Variants in UCHL3 observed in about 807,000 individuals in gnomAD.
The protein encoded by UCHL3 is ubiquitin C-terminal hydrolase L3.
UCHL3 carries 22 observed loss-of-function variants against 35.8 expected under a neutral mutation model. The observed-to-expected ratio is 0.61, with a 90% CI of 0.44 to 0.88. The LOEUF (loss-of-function observed/expected upper bound fraction) is 0.88. Ranked by LOEUF, UCHL3 falls within the 40% of genes least tolerant of loss-of-function variation. The probability of loss-of-function intolerance (pLI) is 0.00; values close to 1 mark genes in which losing one functional copy is unlikely to be tolerated. For missense variants in UCHL3, 229 were observed against 276.9 expected (o/e 0.83, Z 1.23); for synonymous variants, 90 against 92.8 (o/e 0.97, Z 0.17).
intron 8 of UCHL3, 104 bp from the exon 9 acceptor site, chr13:75,605,625 T>C: frequency 9.1e-7 from 1 of 1,103,092 alleles, no homozygotes; most frequent in Non-Finnish European, 1.3e-6. Context: ...AAAAGGAAGT[T>C]TGCAGTGTAA....
chr13:75,575,586 TCTATAGA>T (rs1414934507), intron 6 of UCHL3, among the ~76,000 whole-genome samples: 4 of 152,200 alleles, frequency 2.6e-5, no homozygotes, highest in Admixed American at 2.6e-4. Flanking sequence ...TCATCCCCCT[TCTATAGA>T]TGAGGCAATT....
At chr13:75,586,272 G>A (rs1316625551) in intron 6 of UCHL3, among the ~76,000 whole-genome samples, 1 of 152,072 alleles carries the variant, frequency 6.6e-6, no homozygotes, top group Non-Finnish European at 1.5e-5. Flanking sequence ...TGTTGAAGAA[G>A]GACATTACAT....
intron 7 of UCHL3, among the ~76,000 whole-genome samples, chr13:75,596,008 A>G (rs2032638753): frequency 6.6e-6 from 1 of 152,148 alleles, no homozygotes. Context: ...AATTCTAGAT[A>G]CCGTGAGTTT....
chr13:75,567,122 G>A (rs1430132115), intron 4 of UCHL3, 105 bp from the exon 5 acceptor site: 1 of 1,088,858 alleles, frequency 9.2e-7, no homozygotes. Flanking sequence ...ACCTACCAAT[G>A]AAAGAATTTA....
At chr13:75,551,147 C>T (rs1370626719) in intron 2 of UCHL3, among the ~76,000 whole-genome samples, 2 of 152,072 alleles carry the variant, frequency 1.3e-5, no homozygotes, top group Non-Finnish European at 2.9e-5. Context: ...AGAGGGGAGA[C>T]GGCCAGGCGC....
intron 6 of UCHL3, among the ~76,000 whole-genome samples, chr13:75,587,532 G>A (rs2032359326): frequency 6.6e-6 from 1 of 152,000 alleles, no homozygotes; most frequent in Non-Finnish European, 1.5e-5. Flanking sequence ...GGATTAAAGG[G>A]CCATGATATA....
intron 3 of UCHL3, among the ~76,000 whole-genome samples, chr13:75,561,839 G>A (rs1239757915): frequency 1.2e-5 from 1 of 85,828 alleles, no homozygotes; most frequent in African/African-American, 3.5e-5. Flanking sequence ...ACGTATATAC[G>A]TATACGTATA....
chr13:75,586,528 T>C (rs964087596), intron 6 of UCHL3, among the ~76,000 whole-genome samples: 2 of 152,020 alleles, frequency 1.3e-5, no homozygotes, highest in Non-Finnish European at 2.9e-5. Flanking sequence ...CTTTTGATAT[T>C]TGTGGAACAC....
intron 2 of UCHL3, among the ~76,000 whole-genome samples, chr13:75,550,546 C>A (rs2036999313): frequency 2.6e-5 from 4 of 152,066 alleles, no homozygotes; most frequent in Admixed American, 2.6e-4. Context: ...TCAAAGAAAG[C>A]TCAGTTTAAT....
intron 7 of UCHL3, among the ~76,000 whole-genome samples, chr13:75,599,854 T>C (rs952676365): frequency 1.3e-5 from 2 of 152,190 alleles, no homozygotes; most frequent in African/African-American, 4.8e-5. Flanking sequence ...ATGATTAAGC[T>C]TAGTGAGGAA....
Position 75,558,721 on chromosome 13 carries a change from T to G in UCHL3, c.55-2032T>G, listed in dbSNP as rs1467200308. On this transcript the variant is annotated intron_variant, in intron 2 of 8. Coordinates refer to ENST00000377595, the MANE Select transcript of UCHL3 (RefSeq NM_006002.5). ...CAGATGGCTAGGTTATCTACTAAAG[T>G]AGAGATGTAATCTTTAGTCAGTTCT... Among the ~76,000 whole-genome samples, 3 of 152,192 alleles carry G rather than the reference T, an allele frequency of 2.0e-5. No homozygotes were observed. In the South Asian group the frequency reaches 6.2e-4, roughly 32 times the overall value.
chr13:75,575,726 C>T (rs916859911), intron 6 of UCHL3, among the ~76,000 whole-genome samples: 4 of 152,056 alleles, frequency 2.6e-5, no homozygotes, highest in African/African-American at 9.7e-5. Flanking sequence ...CTCCTCCTGT[C>T]ACCCCCACCT....
intron 2 of UCHL3, among the ~76,000 whole-genome samples, chr13:75,557,952 A>T (rs1417407386): frequency 7.6e-6 from 1 of 130,834 alleles, no homozygotes; most frequent in African/African-American, 2.6e-5. Flanking sequence ...AAAGTAGGAC[A>T]TTTTAATGAT....
chr13:75,598,696 C>A (rs927051029), intron 7 of UCHL3, among the ~76,000 whole-genome samples: 1 of 152,196 alleles, frequency 6.6e-6, no homozygotes, highest in Non-Finnish European at 1.5e-5. Context: ...TATCGAGAGG[C>A]ACATGATGTC....
At chr13:75,558,215 A>G (rs1292664224) in intron 2 of UCHL3, among the ~76,000 whole-genome samples, 5 of 152,164 alleles carry the variant, frequency 3.3e-5, no homozygotes, top group African/African-American at 1.2e-4. Context: ...ATTCTGGTTA[A>G]AATTTAATCA....
At chr13:75,602,284 C>T (rs2032799856) in intron 7 of UCHL3, among the ~76,000 whole-genome samples, 1 of 152,108 alleles carries the variant, frequency 6.6e-6, no homozygotes, top group Non-Finnish European at 1.5e-5. Flanking sequence ...TTTGTCATGT[C>T]GCTTGTCTCT....
In UCHL3 at chr13:75,603,182, G is replaced by A. The variant is rs1045090283; in HGVS notation, c.551-1587G>A. Among the ~76,000 whole-genome samples the A allele has an allele frequency of 2.0e-5, 3 of 152,022 alleles. No individual in the cohort carries two copies. In the East Asian group the frequency reaches 5.8e-4, roughly 29 times the overall value. On this transcript the variant is annotated intron_variant, in intron 7 of 8. Coordinates refer to ENST00000377595, the MANE Select transcript of UCHL3 (RefSeq NM_006002.5). ...TTTATTAATTCTTTGTAAAGGTGGG[G>A]TCTCACTGTATTGCCCAGGCTGGTG...
intron 6 of UCHL3, among the ~76,000 whole-genome samples, chr13:75,570,148 T>A (rs1445043201): frequency 6.6e-6 from 1 of 152,264 alleles, no homozygotes; most frequent in Non-Finnish European, 1.5e-5. Flanking sequence ...TAACTAAAGC[T>A]GTTTGGTATG....
At chr13:75,561,188 C>G (rs1201170651) in intron 3 of UCHL3, among the ~76,000 whole-genome samples, 1 of 152,186 alleles carries the variant, frequency 6.6e-6, no homozygotes, top group Non-Finnish European at 1.5e-5. Context: ...CCGCATCGGT[C>G]TCCCAAAGTG....
Sources: allele counts gnomAD v4.1 joint callset (sites outside exome capture counted in the v4.1 genomes callset), GRCh38; gene constraint gnomAD v4.1.1; transcripts MANE v1.5; gene names NCBI Gene and HGNC (gene_info 2026-07-23, HGNC 2026-07-21).